Variants in CDH13 observed in about 807,000 individuals in gnomAD.
CDH13 encodes cadherin 13.
CDH13 carries 24 observed loss-of-function variants against 63.8 expected under a neutral mutation model. The observed-to-expected ratio is 0.38, with a 90% CI of 0.27 to 0.53. The LOEUF (loss-of-function observed/expected upper bound fraction) is 0.53. CDH13 is among the 20% of genes least tolerant of loss of function. The pLI is 0.85. For synonymous variants in CDH13, 503 were observed against 355.3 expected, an observed-to-expected ratio of 1.42 and a Z score of -4.67; for missense variants, 1,049 against 903.1, an observed-to-expected ratio of 1.16 and a Z score of -2.07.
chr16:83,175,821 C>CTTTTTTTTTTTTTTT (rs762355886), intron 4 of CDH13, among the ~76,000 whole-genome samples: 1 of 90,010 alleles, frequency 1.1e-5, no homozygotes, highest in Admixed American at 1.4e-4. Context: ...TTTCAACCTG[C>CTTTTTTTTTTTTTTT]TTTTTTTTTT....
At chr16:83,058,613 C>G (rs1043512393) in intron 3 of CDH13, among the ~76,000 whole-genome samples, 1 of 152,178 alleles carries the variant, frequency 6.6e-6, no homozygotes, top group Non-Finnish European at 1.5e-5. Context: ...CCTGACCACA[C>G]AGGAAGAAAA....
chr16:82,780,938 A>T (rs1475507250), intron 1 of CDH13, among the ~76,000 whole-genome samples: 2 of 152,202 alleles, frequency 1.3e-5, no homozygotes, highest in Admixed American at 1.3e-4. Context: ...ACTGGACTGG[A>T]GGGAGGAAAT....
At chr16:83,111,165 C>T (rs1043894429) in intron 3 of CDH13, among the ~76,000 whole-genome samples, 2 of 120,306 alleles carry the variant, frequency 1.7e-5, no homozygotes, top group African/African-American at 6.2e-5. Context: ...GAGCGGGACT[C>T]CGTCTCAAAA....
At chr16:83,306,126 C>G (rs569164569) in intron 5 of CDH13, among the ~76,000 whole-genome samples, 1 of 152,302 alleles carries the variant, frequency 6.6e-6, no homozygotes, top group South Asian at 2.1e-4. Flanking sequence ...CCGACATTGC[C>G]AAATATTCCC....
At chr16:83,184,089 A>AACACACACACACACACACACAC (rs10656475) in intron 4 of CDH13, among the ~76,000 whole-genome samples, 1 of 131,560 alleles carries the variant, frequency 7.6e-6, no homozygotes, top group Non-Finnish European at 1.6e-5. Context: ...CTAGAGGTTA[A>AACACACACACACACACACACAC]ACACACACAC....
chr16:83,379,938 T>TATATATATATATATATAGAGAG, intron 6 of CDH13, among the ~76,000 whole-genome samples: 24 of 123,448 alleles, frequency 1.9e-4, no homozygotes, highest in African/African-American at 2.9e-4. Context: ...TATATATATA[T>TATATATATATATATATAGAGAG]AGAGAGAGAG....
chr16:83,342,843 G>GTTTTTTTTTTTTTTTTTTTTTTTTTTTT lies in CDH13; in HGVS notation c.637-1995_637-1994insTTTTTTTTTTTTTTTTTTTTTTTTTTTT, dbSNP rs778316746. Among the ~76,000 whole-genome samples, 3 of 65,316 alleles carry GTTTTTTTTTTTTTTTTTTTTTTTTTTTT rather than the reference G, an allele frequency of 4.6e-5. 1 individual carries two copies. The highest frequency in any genetic ancestry group is 1.3e-4 in the African/African-American group (2 of 15,654). The allele number at this position is 65,316 out of a possible 152,430, so 42.8% of individuals were successfully genotyped here. On this transcript the variant is annotated intron_variant, in intron 5 of 13. Coordinates refer to ENST00000567109, the MANE Select transcript of CDH13 (RefSeq NM_001257.5). ...TTAGGCACAGTGTTTTTTTGTTTCT[G>GTTTTTTTTTTTTTTTTTTTTTTTTTTTT]TTTTTTTTTTTTTTTTTTTTTTTTG... is the stretch of plus-strand genomic sequence containing the variant.
intron 6 of CDH13, among the ~76,000 whole-genome samples, chr16:83,479,117 C>T (rs1249634839): frequency 6.6e-6 from 1 of 152,186 alleles, no homozygotes. Flanking sequence ...TCCACAAGAC[C>T]AGAGGAAGCG....
At chr16:82,918,841 A>G (rs868555818) in intron 2 of CDH13, among the ~76,000 whole-genome samples, 9 of 152,112 alleles carry the variant, frequency 5.9e-5, no homozygotes, top group Middle Eastern at 3.2e-3. Context: ...CATATTGACT[A>G]ATTGCTCCTC....
chr16:82,981,452 C>T (rs1910254627), intron 2 of CDH13, among the ~76,000 whole-genome samples: 1 of 152,048 alleles, frequency 6.6e-6, no homozygotes, highest in Non-Finnish European at 1.5e-5. Context: ...AATGTCTCAT[C>T]ATTCTCCACC....
In CDH13 at chr16:82,781,804, G is replaced by A. The variant is rs192015341; in HGVS notation, c.46-76558G>A. On this transcript the variant is annotated intron_variant, in intron 1 of 13. Transcript: ENST00000567109. ...TTGGTAATAAAGAGACATATAAGTCGCAGTTCTGTCCTTAAAGAGCTTAGG... is the reference window on the plus strand; with the variant it reads ...TTGGTAATAAAGAGACATATAAGTCACAGTTCTGTCCTTAAAGAGCTTAGG... Among the ~76,000 whole-genome samples, 354 of 152,232 alleles carry A rather than the reference G, an allele frequency of 2.3e-3. 1 individual carries two copies. Among genetic ancestry groups the A allele is most frequent in the Admixed American group, 3.8e-3 (58 of 15,278 alleles).
intron 10 of CDH13, among the ~76,000 whole-genome samples, chr16:83,728,528 T>C (rs1910694372): frequency 6.6e-6 from 1 of 152,142 alleles, no homozygotes; most frequent in South Asian, 2.1e-4. Context: ...GAATTCAAAA[T>C]GCTCATCTTT....
intron 7 of CDH13, among the ~76,000 whole-genome samples, chr16:83,575,141 C>T (rs1288665072): frequency 1.3e-5 from 2 of 152,054 alleles, no homozygotes; most frequent in African/African-American, 4.8e-5. Context: ...GTTCCGGCAG[C>T]CATGGAAAAT....
intron 6 of CDH13, among the ~76,000 whole-genome samples, chr16:83,404,536 A>T (rs924580276): frequency 6.6e-6 from 1 of 152,220 alleles, no homozygotes; most frequent in Non-Finnish European, 1.5e-5. Flanking sequence ...TGTTCTTATT[A>T]TTGCTGTATT....
chr16:82,650,194 A>G (rs1311649338), intron 1 of CDH13, among the ~76,000 whole-genome samples: 1 of 152,170 alleles, frequency 6.6e-6, no homozygotes, highest in Non-Finnish European at 1.5e-5. Flanking sequence ...GTGGAAACTA[A>G]CCTTCAGCAA....
chr16:82,747,600 T>C (rs2034234940), intron 1 of CDH13, among the ~76,000 whole-genome samples: 1 of 152,232 alleles, frequency 6.6e-6, no homozygotes, highest in Non-Finnish European at 1.5e-5. Context: ...CACTACTGTT[T>C]AACGAGACCT....
At chr16:83,657,778 C>T (rs560780938) in intron 8 of CDH13, among the ~76,000 whole-genome samples, 24 of 152,328 alleles carry the variant, frequency 1.6e-4, no homozygotes, top group Non-Finnish European at 3.1e-4. Flanking sequence ...GAATTCGCAA[C>T]ATTCCCTGCC....
At chr16:83,076,903 A>G (rs1045093959) in intron 3 of CDH13, among the ~76,000 whole-genome samples, 4 of 152,108 alleles carry the variant, frequency 2.6e-5, no homozygotes, top group Non-Finnish European at 4.4e-5. Context: ...TGACATTAAA[A>G]GTAATGGCAA....
chr16:83,522,178 G>C (rs1598213314), intron 7 of CDH13, among the ~76,000 whole-genome samples: 1 of 152,198 alleles, frequency 6.6e-6, no homozygotes, highest in Admixed American at 6.5e-5. Context: ...TTAATGTCAT[G>C]TTTAATGCCT....
Sources: allele counts gnomAD v4.1 joint callset (sites outside exome capture counted in the v4.1 genomes callset), GRCh38; gene constraint gnomAD v4.1.1; transcripts MANE v1.5; gene names NCBI Gene and HGNC (gene_info 2026-07-23, HGNC 2026-07-21).